RGPD2: variants seen among roughly 807,000 people sequenced by gnomAD.
The protein encoded by RGPD2 is RANBP2 like and GRIP domain containing 2.
Under a neutral mutation model 36.0 loss-of-function variants are expected in RGPD2, and 2 were observed. The observed-to-expected ratio is 0.06, with a 90% CI of 0.02 to 0.17. The LOEUF is 0.17. RGPD2 is among the 10% of genes least tolerant of loss of function. The pLI, the probability that RGPD2 is intolerant of heterozygous loss-of-function variation, is 1.00. For missense variants in RGPD2, 40 were observed against 464.3 expected, an observed-to-expected ratio of 0.09 and a Z score of 8.40; for synonymous variants, 19 against 163.8, an observed-to-expected ratio of 0.12 and a Z score of 6.75.
chr2:87,988,426 G>A, the RGPD2 span, among the ~76,000 whole-genome samples: 1 of 118,348 alleles, frequency 8.4e-6, no homozygotes, highest in African/African-American at 2.9e-5. Flanking sequence ...ATACATTACA[G>A]AAAAAAAACA....
At chr2:87,815,083 G>C (rs1686243002) in intron 4 of RGPD2, among the ~76,000 whole-genome samples, 1 of 139,736 alleles carries the variant, frequency 7.2e-6, no homozygotes, top group South Asian at 2.2e-4. Context: ...TGTGGTAATA[G>C]AGTAGCTCTG....
chr2:87,894,627 T>A, the RGPD2 span, among the ~76,000 whole-genome samples: 2 of 152,030 alleles, frequency 1.3e-5, no homozygotes, highest in African/African-American at 4.8e-5. Flanking sequence ...ATTAGCAAGA[T>A]TAAGTGTGGA....
chr2:87,973,343 G>A, the RGPD2 span, among the ~76,000 whole-genome samples: 1 of 90,614 alleles, frequency 1.1e-5, no homozygotes, highest in African/African-American at 3.6e-5. Flanking sequence ...TCCGGTGAGG[G>A]TGAGCCAGTC....
the RGPD2 span, among the ~76,000 whole-genome samples, chr2:87,857,942 A>G: frequency 1.3e-5 from 2 of 152,256 alleles, no homozygotes; most frequent in East Asian, 1.9e-4. Context: ...TTCAAACAAT[A>G]TATTTCTAAG....
At chr2:87,951,687 C>T in the RGPD2 span, among the ~76,000 whole-genome samples, 27 of 150,198 alleles carry the variant, frequency 1.8e-4, no homozygotes, top group Admixed American at 8.0e-4. Context: ...CGCCTCCAAG[C>T]GAGTCTCCTG....
At chr2:87,866,360 A>G in the RGPD2 span, among the ~76,000 whole-genome samples, 5 of 152,208 alleles carry the variant, frequency 3.3e-5, no homozygotes, top group African/African-American at 1.2e-4. Context: ...GTGTCAAATC[A>G]TTTGAAGTCA....
At chr2:87,847,756 CA>C in the RGPD2 span, among the ~76,000 whole-genome samples, 1 of 147,318 alleles carries the variant, frequency 6.8e-6, no homozygotes, top group Non-Finnish European at 1.5e-5. Context: ...CTCAACCTCC[CA>C]AAATGCTGAG....
the RGPD2 span, among the ~76,000 whole-genome samples, chr2:87,864,710 G>A: frequency 6.6e-6 from 1 of 152,274 alleles, no homozygotes; most frequent in African/African-American, 2.4e-5. Context: ...ACAACTGGTT[G>A]AACATCTTTT....
At chr2:87,975,752 ATG>A in the RGPD2 span, among the ~76,000 whole-genome samples, 1 of 151,794 alleles carries the variant, frequency 6.6e-6, no homozygotes, top group African/African-American at 2.4e-5. Flanking sequence ...TTATGCCATG[ATG>A]TCTCCCAGAA....
chr2:87,877,804 C>CAAAAAAAAAAAA, the RGPD2 span, among the ~76,000 whole-genome samples: 218 of 84,444 alleles, frequency 2.6e-3, 3 homozygotes, highest in Non-Finnish European at 3.5e-3. Context: ...GACTCCGTCT[C>CAAAAAAAAAAAA]AAAAAAAAAA....
At chr2:87,824,880 C>T (rs1347334815) in intron 1 of RGPD2, 4 of 151,152 alleles carry the variant, frequency 2.6e-5, no homozygotes, top group Non-Finnish European at 5.3e-5. Context: ...CCGCCGCCGC[C>T]GCCGCCGCAC....
At chr2:87,959,056 A>T in the RGPD2 span, among the ~76,000 whole-genome samples, 13,906 of 21,928 alleles carry the variant, frequency 0.63, 6,764 homozygotes, top group African/African-American at 0.87. Flanking sequence ...ATATATATAT[A>T]TTTTTTTTAA....
intron 1 of RGPD2, among the ~76,000 whole-genome samples, chr2:87,824,728 C>CCG (rs1212839092): frequency 7.6e-5 from 9 of 118,338 alleles, no homozygotes; most frequent in Non-Finnish European, 1.2e-4. Context: ...GCCGCCGCCG[C>CCG]CCGGCCAGGC....
chr2:87,964,412 CATG>C, the RGPD2 span, among the ~76,000 whole-genome samples: 2 of 151,874 alleles, frequency 1.3e-5, no homozygotes, highest in African/African-American at 4.8e-5. Flanking sequence ...CTAGGTACAA[CATG>C]ATGTTTTGCT....
At chr2:87,905,198 T>C in the RGPD2 span, among the ~76,000 whole-genome samples, 4 of 152,236 alleles carry the variant, frequency 2.6e-5, no homozygotes, top group Non-Finnish European at 5.9e-5. Flanking sequence ...CAAAATTTTG[T>C]AAGAGGTGCA....
chr2:87,961,898 A>G, the RGPD2 span, among the ~76,000 whole-genome samples: 509 of 146,076 alleles, frequency 3.5e-3, 6 homozygotes, highest in African/African-American at 0.012. Context: ...CGCCTGGCAC[A>G]GTGGCTCAAG....
At chr2:87,852,860 A>G in the RGPD2 span, among the ~76,000 whole-genome samples, 3 of 152,300 alleles carry the variant, frequency 2.0e-5, no homozygotes, top group Middle Eastern at 6.3e-3. Context: ...TATTTTCTCC[A>G]TAATAGTCAT....
chr2:87,939,227 A>G, the RGPD2 span, among the ~76,000 whole-genome samples: 3 of 151,742 alleles, frequency 2.0e-5, no homozygotes, highest in East Asian at 5.9e-4. Context: ...AGCTTAATTT[A>G]TAACTCCAAT....
chr2:87,986,436 G>A, the RGPD2 span, among the ~76,000 whole-genome samples: 19 of 151,550 alleles, frequency 1.3e-4, no homozygotes, highest in African/African-American at 1.9e-4. Context: ...CCCAGCCAAG[G>A]ACAGCTTTTT....
Sources: allele counts gnomAD v4.1 joint callset (sites outside exome capture counted in the v4.1 genomes callset), GRCh38; gene constraint gnomAD v4.1.1; transcripts MANE v1.5; gene names NCBI Gene and HGNC (gene_info 2026-07-23, HGNC 2026-07-21).